Variants in FGGY observed in about 807,000 individuals in gnomAD.
The protein encoded by FGGY is FGGY carbohydrate kinase domain containing.
In FGGY, 72 loss-of-function variants were observed where a neutral mutation model predicts 71.3. The ratio of observed to expected loss-of-function variants is 1.01; its 90% CI spans 0.84 to 1.23. The LOEUF is 1.23. FGGY is among the 50% of genes most tolerant of loss of function. FGGY has a pLI of 0.00. For missense variants in FGGY, 668 were observed against 682.3 expected (o/e 0.98, Z 0.23); for synonymous variants, 251 against 250.3 (o/e 1.00, Z -0.02).
chr1:59,709,374 T>C (rs1311507992), intron 14 of FGGY, among the ~76,000 whole-genome samples: 2 of 151,872 alleles, frequency 1.3e-5, no homozygotes, highest in African/African-American at 4.8e-5. Flanking sequence ...ACCACCCCCA[T>C]AATCCAATCA....
chr1:59,474,772 A>G (rs946196870), intron 6 of FGGY, among the ~76,000 whole-genome samples: 13 of 152,334 alleles, frequency 8.5e-5, no homozygotes, highest in African/African-American at 2.9e-4. Flanking sequence ...ATAAGTAATA[A>G]GTTCACAGTT....
At chr1:59,705,634 G>A (rs2097752417) in intron 14 of FGGY, among the ~76,000 whole-genome samples, 1 of 152,208 alleles carries the variant, frequency 6.6e-6, no homozygotes, top group Non-Finnish European at 1.5e-5. Context: ...AGTCATCTGA[G>A]CGTTGGATCA....
intron 14 of FGGY, chr1:59,697,602 C>G: frequency 9.1e-7 from 1 of 1,094,868 alleles, no homozygotes; most frequent in Non-Finnish European, 1.3e-6. Context: ...ACCATCGTCG[C>G]TGTGAAGACT....
chr1:59,637,858 C>CA (rs1433724623), intron 10 of FGGY, among the ~76,000 whole-genome samples: 3 of 152,180 alleles, frequency 2.0e-5, no homozygotes, highest in Non-Finnish European at 4.4e-5. Context: ...TGCGCCTTCA[C>CA]ATACATAATC....
At chr1:59,344,964 C>T (rs1277921441) in intron 3 of FGGY, among the ~76,000 whole-genome samples, 1 of 152,120 alleles carries the variant, frequency 6.6e-6, no homozygotes, top group Non-Finnish European at 1.5e-5. Context: ...CTAGTTTATT[C>T]ATTTAAGAAT....
chr1:59,401,890 T>TG (rs1429702914), intron 5 of FGGY, among the ~76,000 whole-genome samples: 1 of 151,936 alleles, frequency 6.6e-6, no homozygotes, highest in Non-Finnish European at 1.5e-5. Context: ...GAGGAAGGAA[T>TG]GGGGGAGAGT....
rs767400493 is a variant in FGGY, at chr1:59,674,028, G to A, written c.1418-11G>A. On this transcript the variant is annotated splice_polypyrimidine_tract_variant and intron_variant, in intron 13 of 15. Transcript: ENST00000303721. ...TGCTCCCTAACCAAGGTGTGGCCTT[G>A]TCCTGCGCAGGCATGCCTGTGGTCC... 2.1e-5 allele frequency: 34 copies of A among 1,612,018 alleles called. No individual in the cohort carries two copies. The Admixed American group carries it at 3.8e-4, about 18-fold the overall frequency.
chr1:59,612,087 C>A (rs1369544827), intron 9 of FGGY, among the ~76,000 whole-genome samples: 2 of 151,920 alleles, frequency 1.3e-5, no homozygotes, highest in East Asian at 3.9e-4. Flanking sequence ...AGGATATTAT[C>A]CAGAACTTCC....
chr1:59,339,387 A>T (rs1022905421), intron 2 of FGGY, among the ~76,000 whole-genome samples: 6 of 152,002 alleles, frequency 3.9e-5, no homozygotes, highest in Non-Finnish European at 7.4e-5. Flanking sequence ...ATCTTCTCAT[A>T]TGCTCTTTGA....
intron 14 of FGGY, among the ~76,000 whole-genome samples, chr1:59,696,242 G>A (rs1021358988): frequency 1.1e-4 from 16 of 152,234 alleles, no homozygotes; most frequent in East Asian, 7.7e-4. Flanking sequence ...GGCATTCTAC[G>A]TCCTGGTTTA....
In FGGY at chr1:59,493,437, CAG is replaced by C. The variant is rs530633733; in HGVS notation, c.671-18872_671-18871del. On this transcript the variant is annotated intron_variant, in intron 6 of 15. Transcript: ENST00000303721. ...GATAAAATGTGATATATACACATAA[CAG>C]AATATGATTCAGCATTAAAAAGGGA... is the stretch of plus-strand genomic sequence containing the variant. Among the ~76,000 whole-genome samples the C allele has an allele frequency of 1.5e-3, 232 of 152,122 alleles. 5 individuals are homozygous for C. Among genetic ancestry groups the C allele is most frequent in the Admixed American group, 0.014 (207 of 15,276 alleles).
intron 5 of FGGY, among the ~76,000 whole-genome samples, chr1:59,384,826 T>C (rs917776509): frequency 6.6e-6 from 1 of 152,160 alleles, no homozygotes; most frequent in African/African-American, 2.4e-5. Context: ...AAAATCCACA[T>C]TGTCTGTTCT....
intron 11 of FGGY, among the ~76,000 whole-genome samples, chr1:59,652,700 G>A (rs1336186826): frequency 2.0e-5 from 3 of 148,528 alleles, no homozygotes; most frequent in African/African-American, 7.5e-5. Context: ...TGGTTTGAAT[G>A]TCCTCCCGTA....
intron 11 of FGGY, among the ~76,000 whole-genome samples, chr1:59,653,923 T>C (rs1024345596): frequency 6.6e-6 from 1 of 152,230 alleles, no homozygotes; most frequent in East Asian, 1.9e-4. Context: ...TCTTCTGCTT[T>C]TAAGAGCTCC....
chr1:59,478,975 C>T (rs2153562867), intron 6 of FGGY, among the ~76,000 whole-genome samples: 1 of 152,294 alleles, frequency 6.6e-6, no homozygotes, highest in East Asian at 1.9e-4. Context: ...TAGTGAAAGT[C>T]ACTTGCTTAT....
At chr1:59,689,886 C>G (rs1414847749) in intron 14 of FGGY, among the ~76,000 whole-genome samples, 3 of 152,182 alleles carry the variant, frequency 2.0e-5, no homozygotes, top group Admixed American at 6.5e-5. Context: ...TCCTCCCTCC[C>G]CAACCCCTCC....
intron 6 of FGGY, among the ~76,000 whole-genome samples, chr1:59,494,315 A>G (rs577832490): frequency 6.6e-6 from 1 of 152,302 alleles, no homozygotes; most frequent in Admixed American, 6.5e-5. Flanking sequence ...GAGACTTCAG[A>G]GTTGTGACAT....
At chr1:59,592,878 A>G (rs1202114406) in intron 8 of FGGY, among the ~76,000 whole-genome samples, 16 of 152,214 alleles carry the variant, frequency 1.1e-4, no homozygotes, top group Admixed American at 6.5e-5. Flanking sequence ...TGGCACATGT[A>G]TACATATATA....
chr1:59,595,695 A>G (rs1240627165), intron 8 of FGGY, among the ~76,000 whole-genome samples: 1 of 152,126 alleles, frequency 6.6e-6, no homozygotes, highest in African/African-American at 2.4e-5. Flanking sequence ...ATCTCAAAAA[A>G]ATAATAATAA....
Sources: gnomAD v4.1 joint callset for allele counts (sites outside exome capture counted in the v4.1 genomes callset) on GRCh38, gnomAD v4.1.1 for gene constraint, MANE v1.5 for transcripts, NCBI Gene and HGNC (gene_info 2026-07-23, HGNC 2026-07-21) for gene names.